Variants in CSMD2 observed in about 807,000 individuals in gnomAD.
CSMD2 encodes CUB and Sushi multiple domains 2, also known as CUB and sushi domain-containing protein 2.
In CSMD2, 130 loss-of-function variants were observed where a neutral mutation model predicts 398.5. The observed-to-expected ratio is 0.33, with a 90% CI of 0.28 to 0.38. CSMD2 has a LOEUF of 0.38. Among genes scored for constraint, CSMD2 ranks in the 10% least tolerant of loss-of-function variants. The probability of loss-of-function intolerance (pLI) is 1.00; values close to 1 mark genes in which losing one functional copy is unlikely to be tolerated. For missense variants in CSMD2, 3,829 were observed against 4,764.9 expected, an observed-to-expected ratio of 0.80 and a Z score of 5.78; for synonymous variants, 1,828 against 1,908.5, an observed-to-expected ratio of 0.96 and a Z score of 1.10.
intron 3 of CSMD2, among the ~76,000 whole-genome samples, chr1:33,939,187 T>C (rs947391543): frequency 9.9e-5 from 15 of 152,174 alleles, no homozygotes; most frequent in Non-Finnish European, 2.1e-4. Flanking sequence ...GTACTTCCCA[T>C]GATCCCCTGC....
chr1:33,520,198 G>A lies in CSMD2; in HGVS notation c.10598-248C>T, dbSNP rs546433976. ...TCAGATGGCACCCAGAGGACCATCC[G>A]CAGAGGAGCCTGAAACCATGGCTCA... On this transcript the variant is annotated intron_variant, in intron 68 of 70. Coordinates refer to ENST00000373381, the MANE Select transcript of CSMD2 (RefSeq NM_001281956.2). 1.2e-4 allele frequency among the ~76,000 whole-genome samples: 18 copies of A among 152,320 alleles called. No individual in the cohort carries two copies. In the East Asian group the frequency reaches 3.3e-3, roughly 28 times the overall value.
At chr1:34,014,168 G>A (rs1647755338) in intron 3 of CSMD2, among the ~76,000 whole-genome samples, 1 of 152,176 alleles carries the variant, frequency 6.6e-6, no homozygotes, top group African/African-American at 2.4e-5. Flanking sequence ...CTCTCACCCA[G>A]AGCGCCCCCT....
rs554069985 is a variant in CSMD2, at chr1:33,597,103, T to G, written c.6856+3762A>C. ...TCTCTGTAATTCAAACTTCATGTTCTAACTTTTAATGTTATAAAATCTTTC... is the reference window on the plus strand; with the variant it reads ...TCTCTGTAATTCAAACTTCATGTTCGAACTTTTAATGTTATAAAATCTTTC... On this transcript the variant is annotated intron_variant, in intron 44 of 70. Transcript: ENST00000373381. 3.9e-5 allele frequency among the ~76,000 whole-genome samples: 6 copies of G among 152,328 alleles called. No homozygotes were observed. The South Asian group carries it at 1.2e-3, about 32-fold the overall frequency.
chr1:33,538,204 A>C (rs904426995), intron 60 of CSMD2, among the ~76,000 whole-genome samples: 1 of 151,794 alleles, frequency 6.6e-6, no homozygotes, highest in Non-Finnish European at 1.5e-5. Flanking sequence ...TTCTTTTCAC[A>C]TGTATTACTT....
intron 10 of CSMD2, among the ~76,000 whole-genome samples, chr1:33,802,514 C>T (rs893364846): frequency 6.6e-6 from 1 of 152,152 alleles, no homozygotes; most frequent in African/African-American, 2.4e-5. Context: ...CTTGGAGGGC[C>T]CCAGTCCCTG....
Position 33,567,606 on chromosome 1 carries a change from G to A in CSMD2, c.8367C>T (p.Thr2789=), listed in dbSNP as rs1659172503. Residue 2789 remains threonine (T), a synonymous_variant, in exon 53 of 71, where the codon ACC becomes ACT. Coordinates refer to ENST00000373381, the MANE Select transcript of CSMD2 (RefSeq NM_001281956.2). ...TGACATACTTACGCACACAGAAAGG[G>A]GTCTTGCCCGACCAGTGATGATCCT... ...CQQDHHWSGK[T]PFCVPITCGH... The A allele has an allele frequency of 1.2e-6, 2 of 1,613,960 alleles. No individual in the cohort carries two copies. Among genetic ancestry groups the A allele is most frequent in the Non-Finnish European group, 8.5e-7 (1 of 1,180,018 alleles).
intron 2 of CSMD2, among the ~76,000 whole-genome samples, chr1:34,038,575 A>C (rs1222663061): frequency 6.6e-6 from 1 of 152,176 alleles, no homozygotes; most frequent in Admixed American, 6.5e-5. Context: ...TCAGCTCAGA[A>C]TCTACCCACA....
intron 25 of CSMD2, among the ~76,000 whole-genome samples, chr1:33,670,669 C>G (rs998009480): frequency 1.3e-5 from 2 of 152,146 alleles, no homozygotes; most frequent in Admixed American, 6.5e-5. Flanking sequence ...TGGTCTCACA[C>G]TTTTAAAATC....
intron 3 of CSMD2, among the ~76,000 whole-genome samples, chr1:33,939,697 A>G (rs766232783): frequency 3.3e-5 from 5 of 152,174 alleles, no homozygotes. Context: ...GCTGTTCACA[A>G]TCAGACCACT....
chr1:33,922,523 C>T (rs1283255133), intron 4 of CSMD2, among the ~76,000 whole-genome samples: 2 of 152,206 alleles, frequency 1.3e-5, no homozygotes, highest in Non-Finnish European at 1.5e-5. Flanking sequence ...AAGACAATGA[C>T]TCCAGAGCCT....
In CSMD2 at chr1:33,725,364, G is replaced by A; in HGVS notation, c.2680C>T (p.Gln894Ter). ...TDKSHSDIGF[Q>*]LRYETITLQS... Reference sequence around the variant, plus strand: ...TGAGACTCACTCTCATAGCGGAGCTGGAAGCCGATGTCCGAGTGACTCTTG... The same window carrying A: ...TGAGACTCACTCTCATAGCGGAGCTAGAAGCCGATGTCCGAGTGACTCTTG... The change falls in exon 17 of 71, where the codon CAG (glutamine) becomes TAG (stop). Residue 894 changes from glutamine to a stop codon, truncating the protein, a stop_gained. Coordinates refer to ENST00000373381, the MANE Select transcript of CSMD2 (RefSeq NM_001281956.2). LOFTEE classifies it high-confidence loss of function. 1 of 1,613,960 alleles carries A rather than the reference G, an allele frequency of 6.2e-7. No individual in the cohort carries two copies. The highest frequency in any genetic ancestry group is 8.5e-7 in the Non-Finnish European group (1 of 1,179,870).
intron 1 of CSMD2, among the ~76,000 whole-genome samples, chr1:34,158,589 G>A (rs1317946739): frequency 1.3e-5 from 2 of 152,220 alleles, no homozygotes; most frequent in Non-Finnish European, 2.9e-5. Flanking sequence ...GGGTATAGTG[G>A]TGCCAGAGAG....
chr1:33,797,220 G>T (rs1364435861), intron 10 of CSMD2, among the ~76,000 whole-genome samples: 1 of 152,208 alleles, frequency 6.6e-6, no homozygotes, highest in African/African-American at 2.4e-5. Flanking sequence ...CTCCCCTTTT[G>T]AAATCCTTAA....
At chr1:34,091,293 T>C (rs1400028326) in intron 1 of CSMD2, among the ~76,000 whole-genome samples, 1 of 152,216 alleles carries the variant, frequency 6.6e-6, no homozygotes, top group Non-Finnish European at 1.5e-5. Flanking sequence ...TAATATTTTG[T>C]TTGTATTTAC....
At chr1:33,991,668 A>G (rs1402029935) in intron 3 of CSMD2, among the ~76,000 whole-genome samples, 5 of 152,204 alleles carry the variant, frequency 3.3e-5, no homozygotes, top group Non-Finnish European at 7.3e-5. Context: ...GGAATACTGG[A>G]TCTGGTGAAA....
chr1:33,812,151 C>A (rs775215620), intron 9 of CSMD2, among the ~76,000 whole-genome samples: 9 of 152,150 alleles, frequency 5.9e-5, no homozygotes, highest in Non-Finnish European at 1.0e-4. Flanking sequence ...TTATTGAGTG[C>A]CTACTATGGG....
intron 3 of CSMD2, among the ~76,000 whole-genome samples, chr1:33,940,143 T>G (rs1319348723): frequency 6.6e-6 from 1 of 152,138 alleles, no homozygotes; most frequent in East Asian, 1.9e-4. Flanking sequence ...GCTGGCAATT[T>G]TTGTTGTTCC....
intron 12 of CSMD2, among the ~76,000 whole-genome samples, chr1:33,773,792 G>C (rs998373118): frequency 3.3e-5 from 5 of 152,098 alleles, no homozygotes; most frequent in Admixed American, 6.5e-5. Context: ...CCGAGATTTG[G>C]GAGAGAGGGG....
At chr1:33,571,821 G>A in intron 50 of CSMD2, 95 bp from the exon 51 acceptor site, 6 of 929,696 alleles carry the variant, frequency 6.5e-6, no homozygotes, top group Non-Finnish European at 8.7e-6. Context: ...AGACCTTAAT[G>A]CAATAATGAA....
Sources: allele counts gnomAD v4.1 joint callset (sites outside exome capture counted in the v4.1 genomes callset), GRCh38; gene constraint gnomAD v4.1.1; transcripts MANE v1.5; gene names NCBI Gene and HGNC (gene_info 2026-07-23, HGNC 2026-07-21).